RPRD2: variants seen among roughly 807,000 people sequenced by gnomAD.
RPRD2 encodes regulation of nuclear pre-mRNA domain containing 2.
In RPRD2, 12 loss-of-function variants were observed where a neutral mutation model predicts 104.4. The observed-to-expected ratio is 0.11, with a 90% CI of 0.07 to 0.19. RPRD2 has a LOEUF of 0.19. Ranked by LOEUF, RPRD2 falls within the 10% of genes least tolerant of loss-of-function variation. The probability of loss-of-function intolerance (pLI) is 1.00; values close to 1 mark genes in which losing one functional copy is unlikely to be tolerated. For synonymous variants in RPRD2, 714 were observed against 684.9 expected, an observed-to-expected ratio of 1.04 and a Z score of -0.66; for missense variants, 1,543 against 1,790.1, an observed-to-expected ratio of 0.86 and a Z score of 2.49.
At chr1:150,445,397 G>C (rs1315736832) in intron 6 of RPRD2, among the ~76,000 whole-genome samples, 2 of 152,292 alleles carry the variant, frequency 1.3e-5, no homozygotes, top group East Asian at 3.9e-4. Flanking sequence ...GAAAGAAGTA[G>C]ATATACTGAA....
At chr1:150,377,956 G>T (rs180932081) in intron 1 of RPRD2, among the ~76,000 whole-genome samples, 80 of 152,198 alleles carry the variant, frequency 5.3e-4, no homozygotes, top group African/African-American at 1.9e-3. Flanking sequence ...TATAGTGTAG[G>T]AAAAGGAAAC....
intron 1 of RPRD2, among the ~76,000 whole-genome samples, chr1:150,396,525 A>G (rs1477017833): frequency 1.3e-5 from 2 of 152,092 alleles, no homozygotes; most frequent in African/African-American, 4.8e-5. Flanking sequence ...GAGTTAATTT[A>G]TTTTGTTTAA....
chr1:150,470,937 C>T lies in RPRD2; in HGVS notation c.1989C>T (p.Ser663=), dbSNP rs1156721978. The part of the protein sequence containing the change: ...EVSKPKLESE[S]TSPSLEMKIH... ...CCAAGCCAAAGCTGGAGTCAGAGTCCACCTCCCCAAGCCTGGAAATGAAGA... is the reference window on the plus strand; with the variant it reads ...CCAAGCCAAAGCTGGAGTCAGAGTCTACCTCCCCAAGCCTGGAAATGAAGA... The change falls in exon 11 of 11, where the codon TCC becomes TCT. Residue 663 remains serine (S), a synonymous_variant. Coordinates refer to ENST00000369068, the MANE Select transcript of RPRD2 (RefSeq NM_015203.5). The T allele has an allele frequency of 1.2e-6, 2 of 1,613,996 alleles. No individual in the cohort carries two copies. The highest frequency in any genetic ancestry group is 1.7e-6 in the Non-Finnish European group (2 of 1,179,908).
chr1:150,451,065 A>G (rs1667134324), intron 7 of RPRD2, among the ~76,000 whole-genome samples: 1 of 152,130 alleles, frequency 6.6e-6, no homozygotes, highest in South Asian at 2.1e-4. Context: ...TTCTCCTTTG[A>G]TCTGGAACAG....
rs779511166 is a variant in RPRD2, at chr1:150,471,283, C to A, written c.2335C>A (p.Pro779Thr). The A allele has an allele frequency of 6.2e-7, 1 of 1,613,776 alleles. No individual in the cohort carries two copies. Among genetic ancestry groups the A allele is most frequent in the Non-Finnish European group, 8.5e-7 (1 of 1,179,848 alleles). Residue 779 changes from proline (P) to threonine (T), a missense_variant, in exon 11 of 11, where the codon CCC becomes ACC. Coordinates refer to ENST00000369068, the MANE Select transcript of RPRD2 (RefSeq NM_015203.5). The surrounding 1 kb of genome is among the most constrained non-coding windows in gnomAD (Gnocchi z 5.3). ...ACCCCCTGGGAGAGATGAAAGCTAC[C>A]CCCGAGAGCTCTCCAATTCTGTATC... is the stretch of plus-strand genomic sequence containing the variant. ...SPPPGRDESY[P>T]RELSNSVSTY...
At chr1:150,386,074 T>C (rs1040952765) in intron 1 of RPRD2, among the ~76,000 whole-genome samples, 1 of 152,184 alleles carries the variant, frequency 6.6e-6, no homozygotes, top group Non-Finnish European at 1.5e-5. Context: ...TAAATAAAGC[T>C]GATTTTGTAT....
At chr1:150,462,978 G>A (rs587694104) in intron 9 of RPRD2, among the ~76,000 whole-genome samples, 1 of 152,170 alleles carries the variant, frequency 6.6e-6, no homozygotes, top group East Asian at 1.9e-4. Context: ...CTGAGCCTTT[G>A]AGTGGCTGAG....
At chr1:150,388,291 A>G (rs903657899) in intron 1 of RPRD2, among the ~76,000 whole-genome samples, 1 of 151,790 alleles carries the variant, frequency 6.6e-6, no homozygotes, top group African/African-American at 2.4e-5. Flanking sequence ...AAGATAGTAC[A>G]GAGAGTGCTT....
In RPRD2 at chr1:150,475,182, CAAAGA is replaced by C. The variant is rs1165858770; in HGVS notation, c.*1856_*1860del. On this transcript the variant is annotated 3_prime_UTR_variant, in exon 11 of 11. Transcript: ENST00000369068. ...GTGTGGGATGGGGTATGTAGTGTAGCAAAGAAAAGAAAGTATAGTTATATTGAGTC... is the reference window on the plus strand; with the variant it reads ...GTGTGGGATGGGGTATGTAGTGTAGCAAAGAAAGTATAGTTATATTGAGTC... The C allele has an allele frequency of 2.0e-5, 3 of 150,788 alleles. No homozygotes were observed. The highest frequency in any genetic ancestry group is 4.4e-5 in the Non-Finnish European group (3 of 67,834). The allele number at this position is 150,788 out of a possible 1,614,324, so 9.3% of individuals were successfully genotyped here.
chr1:150,398,970 CTT>C (rs1553884792), intron 1 of RPRD2, among the ~76,000 whole-genome samples: 1 of 152,016 alleles, frequency 6.6e-6, no homozygotes, highest in Non-Finnish European at 1.5e-5. Context: ...TAAAGAATTT[CTT>C]CTATATTTTC....
intron 1 of RPRD2, among the ~76,000 whole-genome samples, chr1:150,406,344 T>C (rs898517956): frequency 6.6e-6 from 1 of 152,190 alleles, no homozygotes; most frequent in Non-Finnish European, 1.5e-5. Context: ...CCTTTACCCC[T>C]GAATATTTGT....
chr1:150,464,453 T>C lies in RPRD2; in HGVS notation c.1412-74T>C, dbSNP rs939348709. ...TTCCTGTTAAATATATCAAACTCAT[T>C]GAAGTGAGGGGAAGTATCGGAAATT... On this transcript the variant is annotated intron_variant, in intron 9 of 10. Coordinates refer to ENST00000369068, the MANE Select transcript of RPRD2 (RefSeq NM_015203.5). 6 of 1,169,902 alleles carry C rather than the reference T, an allele frequency of 5.1e-6. No homozygotes were observed. In the African/African-American group the frequency reaches 7.7e-5, roughly 15 times the overall value. The allele number at this position is 1,169,902 out of a possible 1,614,324, so 72.5% of individuals were successfully genotyped here. A position where few individuals can be genotyped will look rare whatever the true frequency, so the allele number is the denominator to read the frequency against.
rs1406382824 is a variant in RPRD2, at chr1:150,471,962, C to T, written c.3014C>T (p.Ser1005Leu). Residue 1005 changes from serine (S) to leucine (L), a missense_variant, in exon 11 of 11, where the codon TCG (serine) becomes TTG (leucine). Physicochemically the swap from Ser to Leu is moderately radical, Grantham distance 145. Coordinates refer to ENST00000369068, the MANE Select transcript of RPRD2 (RefSeq NM_015203.5). The surrounding 1 kb of genome is among the most constrained non-coding windows in gnomAD (Gnocchi z 5.3). ...CTGGCCTCCACCATTTCCACCACGTCGACGATTGAATTTAAGAATATGCTT... is the reference window on the plus strand; with the variant it reads ...CTGGCCTCCACCATTTCCACCACGTTGACGATTGAATTTAAGAATATGCTT... Reference protein sequence around the residue: ...KVLASTISTTSTIEFKNMLKN... With the variant: ...KVLASTISTTLTIEFKNMLKN... The T allele has an allele frequency of 8.7e-6, 14 of 1,613,798 alleles. No individual in the cohort carries two copies. The highest frequency in any genetic ancestry group is 1.1e-5 in the Non-Finnish European group (13 of 1,179,876).
chr1:150,464,777 C>A, intron 10 of RPRD2, 50 bp downstream of exon 10: 3 of 1,411,240 alleles, frequency 2.1e-6, no homozygotes, highest in East Asian at 2.4e-5. Flanking sequence ...TTGTCTCTGG[C>A]TTAAATTAAT....
chr1:150,462,328 C>A (rs1553898997), intron 9 of RPRD2, among the ~76,000 whole-genome samples: 1 of 151,736 alleles, frequency 6.6e-6, no homozygotes, highest in Admixed American at 6.6e-5. Flanking sequence ...ACCTGTAATC[C>A]CAGCTACTCA....
chr1:150,367,822 A>C (rs1659957978), intron 1 of RPRD2, among the ~76,000 whole-genome samples: 1 of 151,872 alleles, frequency 6.6e-6, no homozygotes, highest in Non-Finnish European at 1.5e-5. Context: ...TCCAGGGTTC[A>C]AGCAATTCTC....
chr1:150,422,370 A>C (rs1349962498), intron 2 of RPRD2, among the ~76,000 whole-genome samples: 1 of 57,878 alleles, frequency 1.7e-5, no homozygotes, highest in Non-Finnish European at 4.4e-5. Context: ...ATAATAATAA[A>C]TAAAATTAAA....
At chr1:150,442,371 G>A (rs1666464724) in intron 4 of RPRD2, among the ~76,000 whole-genome samples, 1 of 152,158 alleles carries the variant, frequency 6.6e-6, no homozygotes, top group Non-Finnish European at 1.5e-5. Flanking sequence ...GAAATCTCCA[G>A]ATTTGGGGGA....
In RPRD2 at chr1:150,387,566, C is replaced by CTTTTTTTTTTTTTT. The variant is rs1661661325; in HGVS notation, c.205+22647_205+22648insTTTTTTTTTTTTTT. Among the ~76,000 whole-genome samples, 15 of 70,132 alleles carry CTTTTTTTTTTTTTT rather than the reference C, an allele frequency of 2.1e-4. 5 individuals carry two copies. Among genetic ancestry groups the CTTTTTTTTTTTTTT allele is most frequent in the Non-Finnish European group, 3.2e-4 (11 of 34,166 alleles). 46.0% of individuals were successfully genotyped at this position (70,132 alleles called of 152,430 possible). On this transcript the variant is annotated intron_variant, in intron 1 of 10. Coordinates refer to ENST00000369068, the MANE Select transcript of RPRD2 (RefSeq NM_015203.5). ...TAAATCTTACAGAAGTTGCAACAGA[C>CTTTTTTTTTTTTTT]CTTTTTTTTTTTTTTTTTTTTTTTT...
Sources: gnomAD v4.1 joint callset for allele counts (sites outside exome capture counted in the v4.1 genomes callset) on GRCh38, gnomAD v4.1.1 for gene constraint, Gnocchi (gnomAD v3.1) non-coding constraint, MANE v1.5 for transcripts, NCBI Gene and HGNC (gene_info 2026-07-23, HGNC 2026-07-21) for gene names.